MYO3B: variants seen among roughly 807,000 people sequenced by gnomAD.
MYO3B encodes the protein myosin-IIIb.
In MYO3B, 156 loss-of-function variants were observed where a neutral mutation model predicts 174.6. The ratio of observed to expected loss-of-function variants is 0.89; its 90% CI spans 0.78 to 1.02. The LOEUF is 1.02. Ranked by LOEUF, MYO3B falls within the 50% of genes least tolerant of loss-of-function variation. MYO3B has a pLI of 0.00. For missense variants in MYO3B, 1,632 were observed against 1,639.4 expected, an observed-to-expected ratio of 1.00 and a Z score of 0.08; for synonymous variants, 563 against 569.1, an observed-to-expected ratio of 0.99 and a Z score of 0.15.
In MYO3B at chr2:170,542,945, C is replaced by A; in HGVS notation, c.3615C>A (p.Ile1205=). 6.2e-7 allele frequency: 1 copy of A among 1,610,068 alleles called. No individual in the cohort carries two copies. Among genetic ancestry groups the A allele is most frequent in the Non-Finnish European group, 8.5e-7 (1 of 1,177,796 alleles). The change falls in exon 31 of 35, where the codon ATC becomes ATA. Residue 1205 remains isoleucine, a synonymous_variant. Transcript: ENST00000408978. ...QAQSSPKGCD[I]FAGHANKHSV... The stretch of plus-strand genomic sequence containing the variant: ...AGAGTTCTCCAAAAGGGTGCGATAT[C>A]TTCGCAGGACATGCAAACAAGGTAG...
intron 23 of MYO3B, among the ~76,000 whole-genome samples, chr2:170,461,776 A>T (rs537261281): frequency 0.19 from 279 of 1,492 alleles, no homozygotes; most frequent in Middle Eastern, 0.5. Flanking sequence ...AACTCCGTTT[A>T]AAAAAAAAAA....
intron 16 of MYO3B, among the ~76,000 whole-genome samples, chr2:170,398,483 C>A (rs2105786064): frequency 6.6e-6 from 1 of 152,216 alleles, no homozygotes; most frequent in South Asian, 2.1e-4. Flanking sequence ...TAATCCCTCT[C>A]TGCTCCCCAG....
intron 30 of MYO3B, among the ~76,000 whole-genome samples, chr2:170,526,949 C>T (rs1320837439): frequency 1.3e-5 from 2 of 152,186 alleles, no homozygotes; most frequent in Non-Finnish European, 1.5e-5. Context: ...GACCAGAGGC[C>T]TCTTTTAAAA....
intron 24 of MYO3B, 43 bp downstream of exon 24, chr2:170,463,488 G>A (rs1388956108): frequency 9.7e-6 from 15 of 1,550,790 alleles, no homozygotes; most frequent in South Asian, 3.4e-5. Context: ...CTTCCAAAAA[G>A]GACTGTCTAA....
At chr2:170,265,150 G>C (rs981220881) in intron 7 of MYO3B, among the ~76,000 whole-genome samples, 1 of 152,168 alleles carries the variant, frequency 6.6e-6, no homozygotes, top group Non-Finnish European at 1.5e-5. Flanking sequence ...CTTACCTCCT[G>C]ACAGAGGGTT....
At chr2:170,431,566 G>A (rs1335739185) in intron 22 of MYO3B, among the ~76,000 whole-genome samples, 1 of 152,176 alleles carries the variant, frequency 6.6e-6, no homozygotes, top group African/African-American at 2.4e-5. Flanking sequence ...ACATTGGTTT[G>A]GCTTTCTTTA....
intron 32 of MYO3B, among the ~76,000 whole-genome samples, chr2:170,620,571 G>A (rs771349478): frequency 7.2e-5 from 11 of 152,234 alleles, no homozygotes; most frequent in East Asian, 1.9e-4. Flanking sequence ...AGATTCCCAT[G>A]TCAGAGACAA....
Position 170,468,953 on chromosome 2 carries a change from G to A in MYO3B, c.3014+2242G>A, listed in dbSNP as rs1300872050. On this transcript the variant is annotated intron_variant, in intron 25 of 34. Coordinates refer to ENST00000408978, the MANE Select transcript of MYO3B (RefSeq NM_138995.5). ...GCACATCACCTGAGGTTAGGAGTTC[G>A]AGACCAGCCTGGCCAACATGGTGAA... is the stretch of plus-strand genomic sequence containing the variant. Among the ~76,000 whole-genome samples the A allele has an allele frequency of 5.9e-5, 9 of 152,182 alleles. No individual in the cohort carries two copies. In the South Asian group the frequency reaches 1.7e-3, roughly 28 times the overall value.
chr2:170,513,691 A>C (rs1364499885), intron 28 of MYO3B, among the ~76,000 whole-genome samples: 1 of 152,134 alleles, frequency 6.6e-6, no homozygotes, highest in Non-Finnish European at 1.5e-5. Context: ...ATCTCTTCTT[A>C]TTCTTACTTT....
chr2:170,189,166 C>T (rs569745832), intron 1 of MYO3B, among the ~76,000 whole-genome samples: 7 of 151,996 alleles, frequency 4.6e-5, no homozygotes, highest in Admixed American at 6.6e-5. Flanking sequence ...TTAAATATGC[C>T]GTGTCACTGA....
chr2:170,482,350 T>A (rs951260961), intron 25 of MYO3B, among the ~76,000 whole-genome samples: 1 of 152,198 alleles, frequency 6.6e-6, no homozygotes, highest in African/African-American at 2.4e-5. Flanking sequence ...AGACGGGGTT[T>A]CACCATGTTG....
chr2:170,534,205 A>G (rs1459628874), intron 30 of MYO3B, among the ~76,000 whole-genome samples: 1 of 152,108 alleles, frequency 6.6e-6, no homozygotes, highest in Non-Finnish European at 1.5e-5. Context: ...TCATGTCTCT[A>G]TGTCAGAATT....
At chr2:170,594,501 T>TGGTATCTGTCATTTGCAGC (rs1694016661) in intron 32 of MYO3B, among the ~76,000 whole-genome samples, 1 of 152,156 alleles carries the variant, frequency 6.6e-6, no homozygotes, top group Non-Finnish European at 1.5e-5. Flanking sequence ...ACATTTGCAG[T>TGGTATCTGTCATTTGCAGC]GGTTTCTGTC....
At chr2:170,405,911 C>T (rs10930426) in intron 21 of MYO3B, among the ~76,000 whole-genome samples, 136,435 of 152,238 alleles carry the variant, frequency 0.9, 61,716 homozygotes, top group Middle Eastern at 0.98. Flanking sequence ...AGAGAAAACA[C>T]ATTACAGCTT....
chr2:170,511,140 A>G (rs1687955636), intron 28 of MYO3B, among the ~76,000 whole-genome samples: 1 of 151,668 alleles, frequency 6.6e-6, no homozygotes, highest in Non-Finnish European at 1.5e-5. Context: ...GCTCACTGCA[A>G]ACTCCGCCTC....
chr2:170,517,420 G>A (rs1440147444), intron 29 of MYO3B, among the ~76,000 whole-genome samples: 1 of 152,110 alleles, frequency 6.6e-6, no homozygotes, highest in Non-Finnish European at 1.5e-5. Flanking sequence ...ACCTTCATAA[G>A]GAGAGTCCCA....
intron 32 of MYO3B, among the ~76,000 whole-genome samples, chr2:170,610,494 T>A (rs2106360735): frequency 6.6e-6 from 1 of 152,356 alleles, no homozygotes; most frequent in East Asian, 1.9e-4. Flanking sequence ...GGCAGTCAAG[T>A]AATTTTCTAT....
intron 7 of MYO3B, among the ~76,000 whole-genome samples, chr2:170,325,238 CGCTT>C (rs1559387908): frequency 6.6e-6 from 1 of 151,920 alleles, no homozygotes; most frequent in East Asian, 1.9e-4. Context: ...GATGGAGTCT[CGCTT>C]TGTTGCCCAG....
chr2:170,251,800 A>T (rs2093256460), intron 7 of MYO3B, among the ~76,000 whole-genome samples: 1 of 152,226 alleles, frequency 6.6e-6, no homozygotes, highest in African/African-American at 2.4e-5. Flanking sequence ...ACTATGGTCC[A>T]TTGCTCTGGA....
Sources: allele counts gnomAD v4.1 joint callset (sites outside exome capture counted in the v4.1 genomes callset), GRCh38; gene constraint gnomAD v4.1.1; transcripts MANE v1.5; gene names NCBI Gene and HGNC (gene_info 2026-07-23, HGNC 2026-07-21).